The following CAMK2D variants were observed in gnomAD, a reference collection of about 807,000 sequenced individuals.
The protein encoded by CAMK2D is calcium/calmodulin dependent protein kinase II delta, also known as calcium/calmodulin-dependent protein kinase type II subunit delta.
CAMK2D carries 37 observed loss-of-function variants against 84.0 expected under a neutral mutation model. That is an observed-to-expected ratio of 0.44 (90% CI 0.34 to 0.58). The LOEUF is 0.58. Among genes scored for constraint, CAMK2D ranks in the 20% least tolerant of loss-of-function variants. The probability of loss-of-function intolerance (pLI) is 0.02; values close to 1 mark genes in which losing one functional copy is unlikely to be tolerated. For missense variants in CAMK2D, 448 were observed against 652.5 expected, an observed-to-expected ratio of 0.69 and a Z score of 3.41; for synonymous variants, 202 against 212.5, an observed-to-expected ratio of 0.95 and a Z score of 0.43.
At chr4:113,666,222 A>G (rs768600481) in intron 2 of CAMK2D, among the ~76,000 whole-genome samples, 16 of 152,242 alleles carry the variant, frequency 1.1e-4, no homozygotes, top group Non-Finnish European at 2.1e-4. Context: ...AATATCAGAG[A>G]ATAAGCTCTT....
chr4:113,545,061 T>C (rs1309818858), intron 6 of CAMK2D, among the ~76,000 whole-genome samples: 3 of 152,244 alleles, frequency 2.0e-5, no homozygotes, highest in Admixed American at 2.0e-4. Context: ...ATCTTCTTTA[T>C]GTTATTCAAA....
intron 8 of CAMK2D, among the ~76,000 whole-genome samples, chr4:113,526,327 C>T (rs1006055582): frequency 2.0e-5 from 3 of 151,672 alleles, no homozygotes; most frequent in East Asian, 1.9e-4. Context: ...AGAAAGGATA[C>T]AATATAGCAA....
At chr4:113,724,736 T>G (rs925201204) in intron 2 of CAMK2D, among the ~76,000 whole-genome samples, 4 of 151,898 alleles carry the variant, frequency 2.6e-5, no homozygotes, top group African/African-American at 9.6e-5. Flanking sequence ...CTTGCTTTCC[T>G]TGGTTAATTT....
At chr4:113,555,952 A>G (rs543195601) in intron 4 of CAMK2D, among the ~76,000 whole-genome samples, 12 of 152,196 alleles carry the variant, frequency 7.9e-5, no homozygotes, top group African/African-American at 2.4e-4. Context: ...TATAAGAAAA[A>G]GTCAGTAGCC....
At chr4:113,696,187 G>GACACACACAC (rs1377743443) in intron 2 of CAMK2D, among the ~76,000 whole-genome samples, 1 of 68,756 alleles carries the variant, frequency 1.5e-5, no homozygotes, top group African/African-American at 5.2e-5. Flanking sequence ...CAGACACACA[G>GACACACACAC]ACACACAGAC....
At chr4:113,698,387 T>C (rs2099409115) in intron 2 of CAMK2D, among the ~76,000 whole-genome samples, 4 of 152,066 alleles carry the variant, frequency 2.6e-5, no homozygotes, top group Admixed American at 2.6e-4. Context: ...GTGCCTCAAA[T>C]TCATCATCCG....
chr4:113,530,921 TAAA>T (rs2098453871), intron 8 of CAMK2D, among the ~76,000 whole-genome samples: 1 of 151,924 alleles, frequency 6.6e-6, no homozygotes, highest in African/African-American at 2.4e-5. Flanking sequence ...CTGTCTCTAC[TAAA>T]AATACAGAAA....
At chr4:113,574,419 G>A (rs1468920675) in intron 4 of CAMK2D, among the ~76,000 whole-genome samples, 1 of 152,158 alleles carries the variant, frequency 6.6e-6, no homozygotes, top group East Asian at 1.9e-4. Flanking sequence ...TTAGAGCTCA[G>A]AAAGGACTGT....
chr4:113,590,034 G>T (rs1176053598), intron 4 of CAMK2D, among the ~76,000 whole-genome samples: 2 of 152,100 alleles, frequency 1.3e-5, no homozygotes, highest in Admixed American at 1.3e-4. Flanking sequence ...ATATTCAAAA[G>T]ACTTAAAATA....
intron 2 of CAMK2D, chr4:113,754,585 A>G (rs912938073): frequency 2.0e-6 from 2 of 982,554 alleles, no homozygotes; most frequent in African/African-American, 3.5e-5. Flanking sequence ...CTAGTTATTA[A>G]TATCACAGTA....
Position 113,761,717 on chromosome 4 carries a change from A to T in CAMK2D, c.-649T>A. On this transcript the variant is annotated 5_prime_UTR_variant, in exon 1 of 21. Transcript: ENST00000511664. The stretch of plus-strand genomic sequence containing the variant: ...GCTGCTCACGAGCCCGCGCGGCTTC[A>T]AGACGGCGCGGCGAGAGAAAGAGCG... The T allele has an allele frequency of 1.1e-6, 1 of 918,746 alleles. No homozygotes were observed. The highest frequency in any genetic ancestry group is 1.3e-6 in the Non-Finnish European group (1 of 769,308). The allele number at this position is 918,746 out of a possible 1,614,324, so 56.9% of individuals were successfully genotyped here.
At chr4:113,726,550 TTTTGTTTGTTTGTTTG>T (rs543292271) in intron 2 of CAMK2D, among the ~76,000 whole-genome samples, 1 of 150,816 alleles carries the variant, frequency 6.6e-6, no homozygotes, top group Middle Eastern at 3.2e-3. Flanking sequence ...CCTGGCTAAT[TTTTGTTTGTTTGTTTG>T]TTTGTTTGTT....
intron 2 of CAMK2D, among the ~76,000 whole-genome samples, chr4:113,709,235 T>C (rs2099478010): frequency 6.6e-6 from 1 of 152,168 alleles, no homozygotes; most frequent in South Asian, 2.1e-4. Context: ...AATCTAGCTT[T>C]TCCTGCAGAG....
intron 6 of CAMK2D, among the ~76,000 whole-genome samples, chr4:113,547,049 C>T (rs1400107063): frequency 6.6e-6 from 1 of 152,066 alleles, no homozygotes; most frequent in Non-Finnish European, 1.5e-5. Context: ...GCTTTCTTTA[C>T]ATCTGTAGTT....
intron 16 of CAMK2D, among the ~76,000 whole-genome samples, chr4:113,489,380 A>C (rs2154136467): frequency 9.7e-6 from 1 of 103,024 alleles, no homozygotes; most frequent in East Asian, 2.1e-4. Context: ...ATGAGTGAGA[A>C]TATGCGGTGT....
intron 3 of CAMK2D, among the ~76,000 whole-genome samples, chr4:113,616,200 T>A (rs551809746): frequency 6.6e-6 from 1 of 152,242 alleles, no homozygotes; most frequent in South Asian, 2.1e-4. Flanking sequence ...CTTTTTAAAA[T>A]AATCAAATGT....
intron 4 of CAMK2D, among the ~76,000 whole-genome samples, chr4:113,589,892 C>A (rs1005416076): frequency 3.3e-5 from 5 of 151,966 alleles, no homozygotes; most frequent in Non-Finnish European, 5.9e-5. Flanking sequence ...TGTACTCCTA[C>A]GTTTAAATGT....
intron 8 of CAMK2D, among the ~76,000 whole-genome samples, chr4:113,526,057 T>C (rs971995502): frequency 3.3e-5 from 5 of 152,150 alleles, no homozygotes; most frequent in African/African-American, 1.2e-4. Flanking sequence ...AATAAAATGG[T>C]AAAACAATTC....
Position 113,531,252 on chromosome 4 carries a change from C to A in CAMK2D, c.565G>T (p.Asp189Tyr), listed in dbSNP as rs2098456181. The A allele has an allele frequency of 1.2e-6, 2 of 1,606,570 alleles. No individual in the cohort carries two copies. The highest frequency in any genetic ancestry group is 8.5e-7 in the Non-Finnish European group (1 of 1,173,374). ...ATATCCACTGGCTTTCCATAAGGAT[C>A]TTTACGTAAAACTTCTGGAGAAAGA... ...GYLSPEVLRK[D>Y]PYGKPVDMWA... Residue 189 changes from aspartate (D) to tyrosine (Y), a missense_variant, in exon 8 of 21, where the codon GAT becomes TAT. Physicochemically the swap from Asp to Tyr is radical, Grantham distance 160. Coordinates refer to ENST00000511664, the MANE Select transcript of CAMK2D (RefSeq NM_001321571.2).
Sources: allele counts gnomAD v4.1 joint callset (sites outside exome capture counted in the v4.1 genomes callset), GRCh38; gene constraint gnomAD v4.1.1; transcripts MANE v1.5; gene names NCBI Gene and HGNC (gene_info 2026-07-23, HGNC 2026-07-21).